Variants in CACNG1 observed in about 807,000 individuals in gnomAD.
The protein encoded by CACNG1 is voltage-dependent calcium channel gamma-1 subunit.
Under a neutral mutation model 22.0 loss-of-function variants are expected in CACNG1, and 21 were observed. That is an observed-to-expected ratio of 0.95 (90% CI 0.68 to 1.37). The LOEUF is 1.37. Ranked by LOEUF, CACNG1 falls within the 40% of genes most tolerant of loss-of-function variation. The pLI is 0.00. For missense variants in CACNG1, 291 were observed against 308.6 expected, an observed-to-expected ratio of 0.94 and a Z score of 0.43; for synonymous variants, 127 against 129.2, an observed-to-expected ratio of 0.98 and a Z score of 0.12.
intron 1 of CACNG1, among the ~76,000 whole-genome samples, chr17:67,050,919 A>G (rs932487795): frequency 3.2e-4 from 49 of 152,340 alleles, no homozygotes; most frequent in African/African-American, 1.2e-3. Context: ...CCATCTGCAG[A>G]GACAAAGGAG....
chr17:67,046,145 C>G (rs141776131), intron 1 of CACNG1, among the ~76,000 whole-genome samples: 139 of 152,302 alleles, frequency 9.1e-4, no homozygotes, highest in Non-Finnish European at 1.5e-3. Context: ...CCAGGGAGGA[C>G]AAAGCTCATC....
intron 1 of CACNG1, among the ~76,000 whole-genome samples, chr17:67,051,097 TGA>T (rs1264830237): frequency 3.9e-5 from 6 of 152,130 alleles, no homozygotes; most frequent in Non-Finnish European, 8.8e-5. Context: ...GCAGGAAGAC[TGA>T]GAGTCTGCAC....
rs781345975 is a variant in CACNG1, at chr17:67,056,286, T to A, written c.*15T>A. ...CCGAGCACTAACCCTCCTGCGGCCC[T>A]AGCGACCCTCAGGCTTCTTCCCCAG... On this transcript the variant is annotated 3_prime_UTR_variant, in exon 4 of 4. Coordinates refer to ENST00000226021, the MANE Select transcript of CACNG1 (RefSeq NM_000727.4). The surrounding 1 kb of genome is among the most constrained non-coding windows in gnomAD (Gnocchi z 4.3). 6.2e-7 allele frequency: 1 copy of A among 1,608,926 alleles called. No individual in the cohort carries two copies. The highest frequency in any genetic ancestry group is 8.5e-7 in the Non-Finnish European group (1 of 1,175,928).
rs540371507 is a variant in CACNG1, at chr17:67,044,964, C to T, written c.229+75C>T. 3.0e-5 allele frequency: 36 copies of T among 1,218,812 alleles called. No individual in the cohort carries two copies. Among genetic ancestry groups the T allele is most frequent in the African/African-American group, 1.9e-4 (13 of 66,758 alleles). The allele number at this position is 1,218,812 out of a possible 1,614,324, so 75.5% of individuals were successfully genotyped here. The stretch of plus-strand genomic sequence containing the variant: ...CATCCCCCTGGCAAAGTTGCCCTTG[C>T]GAAGGAAGGCAGGTTTCTCTGCCTA... On this transcript the variant is annotated intron_variant, in intron 1 of 3. Transcript: ENST00000226021. The surrounding 1 kb of genome is among the most constrained non-coding windows in gnomAD (Gnocchi z 6.9).
rs2035751230 is a variant in CACNG1 at position 67,054,912 on chromosome 17, CACTG to C, written c.305-188_305-185del. On this transcript the variant is annotated intron_variant, in intron 2 of 3. Coordinates refer to ENST00000226021, the MANE Select transcript of CACNG1 (RefSeq NM_000727.4). This position sits in a 1 kb window ranked among gnomAD's most constrained non-coding sequence, Gnocchi z 4.6. ...CATGACACACAATGACACACACAGA[CACTG>C]ACACACACACAGATACACACATACA... 6.7e-6 allele frequency among the ~76,000 whole-genome samples: 1 copy of C among 148,744 alleles called. No homozygotes were observed. The highest frequency in any genetic ancestry group is 6.6e-5 in the Admixed American group (1 of 15,098).
chr17:67,052,550 A>G (rs1466995546), intron 1 of CACNG1, among the ~76,000 whole-genome samples: 2 of 152,236 alleles, frequency 1.3e-5, no homozygotes, highest in Non-Finnish European at 2.9e-5. Flanking sequence ...GAAGCCTGGA[A>G]GTGAAGAAAT....
intron 1 of CACNG1, among the ~76,000 whole-genome samples, chr17:67,045,912 G>T (rs1156925495): frequency 6.6e-6 from 1 of 152,152 alleles, no homozygotes; most frequent in African/African-American, 2.4e-5. Context: ...TCCTCACCCT[G>T]TAATTTAAGC....
chr17:67,053,889 C>G (rs1598141084), intron 1 of CACNG1, 107 bp from the exon 2 acceptor site: 36 of 789,136 alleles, frequency 4.6e-5, no homozygotes, highest in Non-Finnish European at 6.8e-6. Context: ...AGAGAGGCTG[C>G]CAGAGCCCCC....
At chr17:67,047,833 C>T (rs895168977) in intron 1 of CACNG1, among the ~76,000 whole-genome samples, 1 of 152,034 alleles carries the variant, frequency 6.6e-6, no homozygotes, top group Non-Finnish European at 1.5e-5. Context: ...ATGCTATATG[C>T]ATGCTCAGGA....
At position 67,055,107 on chromosome 17, in the gene CACNG1, C is replaced by G; in HGVS notation, c.309C>G (p.Tyr103Ter). Residue 103 changes from tyrosine to a stop codon, truncating the protein, a stop_gained, in exon 3 of 4, where the codon TAC becomes TAG. Coordinates refer to ENST00000226021, the MANE Select transcript of CACNG1 (RefSeq NM_000727.4). LOFTEE classifies it high-confidence loss of function. This position sits in a 1 kb window ranked among gnomAD's most constrained non-coding sequence, Gnocchi z 4.5. ...GGGTGTCCCTTGTGTTTGCAGAGTA[C>G]AGCATCTCGGCAGCCGCCATCGCCA... ...EIFEFTTQKEYSISAAAIAIF... is the reference protein window; with the variant it reads ...EIFEFTTQKE 1 of 1,613,826 alleles carries G rather than the reference C, an allele frequency of 6.2e-7. No homozygotes were observed. Among genetic ancestry groups the G allele is most frequent in the Non-Finnish European group, 8.5e-7 (1 of 1,179,822 alleles).
Position 67,055,328 on chromosome 17 carries a change from T to C in CACNG1, c.442+88T>C. The C allele has an allele frequency of 6.9e-7, 1 of 1,450,268 alleles. No homozygotes were observed. Among genetic ancestry groups the C allele is most frequent in the Non-Finnish European group, 9.3e-7 (1 of 1,069,580 alleles). 89.8% of individuals were successfully genotyped at this position (1,450,268 alleles called of 1,614,324 possible). On this transcript the variant is annotated intron_variant, in intron 3 of 3. Coordinates refer to ENST00000226021, the MANE Select transcript of CACNG1 (RefSeq NM_000727.4). The surrounding 1 kb of genome is among the most constrained non-coding windows in gnomAD (Gnocchi z 4.5). ...TCCACCCTCATGCCCACCGCGAGAT[T>C]TGGGTGAGGGGCATTTCCCAGGCTC...
In CACNG1 at chr17:67,054,988, C is replaced by CG; in HGVS notation, c.305-115_305-114insG. 9.5e-7 allele frequency: 1 copy of CG among 1,048,262 alleles called. No individual in the cohort carries two copies. Among genetic ancestry groups the CG allele is most frequent in the Non-Finnish European group, 1.4e-6 (1 of 719,464 alleles). The allele number at this position is 1,048,262 out of a possible 1,614,324, so 64.9% of individuals were successfully genotyped here. ...CAGAGACACACACTTGACACACACACAATGACACACACAGACACTGACACA... is the reference window on the plus strand; with the variant it reads ...CAGAGACACACACTTGACACACACACGAATGACACACACAGACACTGACACA... On this transcript the variant is annotated intron_variant, in intron 2 of 3. Coordinates refer to ENST00000226021, the MANE Select transcript of CACNG1 (RefSeq NM_000727.4). The surrounding 1 kb of genome is among the most constrained non-coding windows in gnomAD (Gnocchi z 4.6).
At position 67,056,568 on chromosome 17, in the gene CACNG1, T is replaced by G; in HGVS notation, c.*297T>G. On this transcript the variant is annotated 3_prime_UTR_variant, in exon 4 of 4. Transcript: ENST00000226021. This position sits in a 1 kb window ranked among gnomAD's most constrained non-coding sequence, Gnocchi z 4.3. ...CTGGAGCTCAGAGGTGTCCCCACTG[T>G]ACCAGCCTCTGATAAGCTGCCTCCA... The G allele has an allele frequency of 2.2e-6, 1 of 451,992 alleles. No individual in the cohort carries two copies. 28.0% of individuals were successfully genotyped at this position (451,992 alleles called of 1,614,324 possible).
In CACNG1 at chr17:67,055,325, G is replaced by C; in HGVS notation, c.442+85G>C. ...CGCTCCACCCTCATGCCCACCGCGAGATTTGGGTGAGGGGCATTTCCCAGG... is the reference window on the plus strand; with the variant it reads ...CGCTCCACCCTCATGCCCACCGCGACATTTGGGTGAGGGGCATTTCCCAGG... On this transcript the variant is annotated intron_variant, in intron 3 of 3. Coordinates refer to ENST00000226021, the MANE Select transcript of CACNG1 (RefSeq NM_000727.4). This position sits in a 1 kb window ranked among gnomAD's most constrained non-coding sequence, Gnocchi z 4.5. 1 of 1,463,300 alleles carries C rather than the reference G, an allele frequency of 6.8e-7. No individual in the cohort carries two copies. The highest frequency in any genetic ancestry group is 9.3e-7 in the Non-Finnish European group (1 of 1,080,976). The allele number at this position is 1,463,300 out of a possible 1,614,324, so 90.6% of individuals were successfully genotyped here.
chr17:67,051,115 C>T (rs888645664), intron 1 of CACNG1, among the ~76,000 whole-genome samples: 10 of 152,182 alleles, frequency 6.6e-5, no homozygotes, highest in Admixed American at 6.5e-4. Context: ...TGCACAGGAC[C>T]GTCACGGTCC....
chr17:67,046,756 C>T (rs954832917), intron 1 of CACNG1, among the ~76,000 whole-genome samples: 3 of 152,218 alleles, frequency 2.0e-5, no homozygotes, highest in Non-Finnish European at 4.4e-5. Flanking sequence ...TTGGAACCAT[C>T]TGCCTTTTAA....
Position 67,056,044 on chromosome 17 carries a change from G to T in CACNG1, c.443-1G>T. Reference sequence around the variant, plus strand: ...CTGAGCATGCCTGGCTCTGCCCCCAGGTCTCTGCATCCTCGTCTCGGTGGA... The same window carrying T: ...CTGAGCATGCCTGGCTCTGCCCCCATGTCTCTGCATCCTCGTCTCGGTGGA... On this transcript the variant is annotated splice_acceptor_variant, in intron 3 of 3. Coordinates refer to ENST00000226021, the MANE Select transcript of CACNG1 (RefSeq NM_000727.4). LOFTEE classifies it high-confidence loss of function. This position sits in a 1 kb window ranked among gnomAD's most constrained non-coding sequence, Gnocchi z 4.3. The T allele has an allele frequency of 1.2e-6, 2 of 1,609,424 alleles. No individual in the cohort carries two copies. The highest frequency in any genetic ancestry group is 8.5e-7 in the Non-Finnish European group (1 of 1,179,612).
intron 1 of CACNG1, among the ~76,000 whole-genome samples, chr17:67,053,589 G>T (rs187002748): frequency 3.3e-5 from 5 of 152,328 alleles, no homozygotes; most frequent in African/African-American, 1.2e-4. Flanking sequence ...ATAACCCCAG[G>T]CATCGCCAAG....
chr17:67,045,524 C>CTTTT lies in CACNG1; in HGVS notation c.229+655_229+658dup, dbSNP rs71367200. ...TAGGTGAGCCACCTGCCCCCACCTT[C>CTTTT]TTTTTTTTTTTTTTTTTTTTTTTGA... On this transcript the variant is annotated intron_variant, in intron 1 of 3. Coordinates refer to ENST00000226021, the MANE Select transcript of CACNG1 (RefSeq NM_000727.4). 4.0e-3 allele frequency among the ~76,000 whole-genome samples: 442 copies of CTTTT among 109,612 alleles called. 12 individuals are homozygous for CTTTT. The highest frequency in any genetic ancestry group is 0.015 in the African/African-American group (382 of 26,296). 71.9% of individuals were successfully genotyped at this position (109,612 alleles called of 152,430 possible).
Sources: allele counts gnomAD v4.1 joint callset (sites outside exome capture counted in the v4.1 genomes callset), GRCh38; gene constraint gnomAD v4.1.1; non-coding constraint Gnocchi (gnomAD v3.1); transcripts MANE v1.5; gene names NCBI Gene and HGNC (gene_info 2026-07-23, HGNC 2026-07-21).